Variants in CSMD1 observed in about 807,000 individuals in gnomAD.
The protein encoded by CSMD1 is CUB and sushi domain-containing protein 1.
Under a neutral mutation model 417.5 loss-of-function variants are expected in CSMD1, and 213 were observed. The ratio of observed to expected loss-of-function variants is 0.51; its 90% CI spans 0.46 to 0.57. The LOEUF (loss-of-function observed/expected upper bound fraction) is 0.57. Among genes scored for constraint, CSMD1 ranks in the 20% least tolerant of loss-of-function variants. CSMD1 has a pLI of 0.00. For missense variants in CSMD1, 6,923 were observed against 4,529.7 expected (o/e 1.53, Z -15.17); for synonymous variants, 2,862 against 1,736.8 (o/e 1.65, Z -16.11).
chr8:3,793,166 G>A (rs560290494), intron 5 of CSMD1, among the ~76,000 whole-genome samples: 2 of 152,246 alleles, frequency 1.3e-5, no homozygotes, highest in South Asian at 4.1e-4. Context: ...TTGCAGAGGG[G>A]CTGATGGATT....
chr8:4,001,152 G>T (rs898823051), intron 4 of CSMD1, among the ~76,000 whole-genome samples: 1 of 152,110 alleles, frequency 6.6e-6, no homozygotes, highest in African/African-American at 2.4e-5. Context: ...TGAAATAGTC[G>T]TATTTATGTG....
intron 5 of CSMD1, among the ~76,000 whole-genome samples, chr8:3,765,789 G>A (rs1425070189): frequency 2.6e-5 from 4 of 152,172 alleles, no homozygotes; most frequent in Non-Finnish European, 5.9e-5. Flanking sequence ...TAGCTCCAGA[G>A]TCCTACGGGT....
At chr8:4,014,659 G>C (rs993521055) in intron 4 of CSMD1, among the ~76,000 whole-genome samples, 1 of 152,164 alleles carries the variant, frequency 6.6e-6, no homozygotes, top group Non-Finnish European at 1.5e-5. Context: ...AGCAAGAAAA[G>C]AGCTCGTCTG....
intron 2 of CSMD1, among the ~76,000 whole-genome samples, chr8:4,571,282 A>C (rs1798880947): frequency 1.3e-5 from 2 of 152,108 alleles, no homozygotes; most frequent in Non-Finnish European, 1.5e-5. Context: ...AGAATTTAGC[A>C]CTATGATTTT....
Position 4,420,022 on chromosome 8 carries a change from A to C in CSMD1, c.346T>G (p.Ser116Ala), listed in dbSNP as rs2128939719. 1 of 1,584,328 alleles carries C rather than the reference A, an allele frequency of 6.3e-7. No homozygotes were observed. The highest frequency in any genetic ancestry group is 8.6e-7 in the Non-Finnish European group (1 of 1,164,016). ...GTCGTGAACCACAGAGTGAGGATAG[A>C]TCCTGTACTCACTATAGAGGAGGGC... ...QLPSSIVSTG[S>A]ILTLWFTTDF... The change falls in exon 3 of 70, where the codon TCT (serine) becomes GCT (alanine). Residue 116 changes from serine to alanine, a missense_variant. Transcript: ENST00000635120.
chr8:4,582,155 C>G (rs188327330), intron 2 of CSMD1, among the ~76,000 whole-genome samples: 1 of 151,868 alleles, frequency 6.6e-6, no homozygotes, highest in Non-Finnish European at 1.5e-5. Context: ...CCTTCCCTGG[C>G]ATGTCTGTAG....
intron 10 of CSMD1, among the ~76,000 whole-genome samples, chr8:3,546,311 G>A (rs566378852): frequency 6.6e-6 from 1 of 152,102 alleles, no homozygotes; most frequent in African/African-American, 2.4e-5. Context: ...CAAGGTGGGG[G>A]GATCATGAGG....
chr8:3,291,914 A>C (rs1309888331), intron 25 of CSMD1, among the ~76,000 whole-genome samples: 1 of 151,298 alleles, frequency 6.6e-6, no homozygotes, highest in African/African-American at 2.4e-5. Flanking sequence ...TTTAATTGTG[A>C]TGTTAGGGTG....
intron 10 of CSMD1, among the ~76,000 whole-genome samples, chr8:3,534,517 A>C (rs981046247): frequency 7.3e-6 from 1 of 136,894 alleles, no homozygotes; most frequent in African/African-American, 3.0e-5. Flanking sequence ...TTTCTCAATT[A>C]CAAAAAAAAA....
intron 5 of CSMD1, among the ~76,000 whole-genome samples, chr8:3,970,817 A>G (rs1490446617): frequency 1.3e-5 from 2 of 152,044 alleles, no homozygotes; most frequent in Non-Finnish European, 2.9e-5. Context: ...CAGGGGCACC[A>G]TCTGTCTCAC....
chr8:4,411,952 C>T (rs755687009), intron 3 of CSMD1, among the ~76,000 whole-genome samples: 17 of 151,258 alleles, frequency 1.1e-4, no homozygotes, highest in Non-Finnish European at 1.9e-4. Flanking sequence ...CTAGAACTTA[C>T]GATTTTTGAT....
intron 5 of CSMD1, among the ~76,000 whole-genome samples, chr8:3,912,248 G>A (rs1344457047): frequency 1.3e-5 from 2 of 151,968 alleles, no homozygotes; most frequent in Non-Finnish European, 2.9e-5. Flanking sequence ...GAACTTACTG[G>A]GAAATATCAC....
chr8:3,687,102 G>A (rs763664886), intron 7 of CSMD1, among the ~76,000 whole-genome samples: 1 of 152,198 alleles, frequency 6.6e-6, no homozygotes, highest in Non-Finnish European at 1.5e-5. Flanking sequence ...CCAATAAAAT[G>A]CAGGATCCTA....
chr8:3,542,448 A>G (rs76893404), intron 10 of CSMD1, among the ~76,000 whole-genome samples: 8,785 of 152,264 alleles, frequency 0.058, 291 homozygotes, highest in East Asian at 0.14. Context: ...TAGGGAATGA[A>G]ACTGACAGTC....
At chr8:4,066,388 T>C (rs559832736) in intron 3 of CSMD1, among the ~76,000 whole-genome samples, 2 of 152,124 alleles carry the variant, frequency 1.3e-5, no homozygotes, top group African/African-American at 4.8e-5. Flanking sequence ...GCAGGGATGT[T>C]TGGCATGTCC....
chr8:4,133,141 T>C (rs1227705173), intron 3 of CSMD1, among the ~76,000 whole-genome samples: 2 of 152,168 alleles, frequency 1.3e-5, no homozygotes, highest in Non-Finnish European at 2.9e-5. Context: ...TTTCACCATA[T>C]TGGCCAGGCT....
chr8:4,841,925 A>AAACAAAAAAC lies in CSMD1; in HGVS notation c.85+152406_85+152407insGTTTTTTGTT, dbSNP rs1563561126. On this transcript the variant is annotated intron_variant, in intron 1 of 69. Transcript: ENST00000635120. ...AAACTCCGTCTCAAAAAAAAAAAAA[A>AAACAAAAAAC]AAAAAAAAAAAAAGTTCAGAACAAT... Among the ~76,000 whole-genome samples, 808 of 98,812 alleles carry AAACAAAAAAC rather than the reference A, an allele frequency of 8.2e-3. 37 individuals carry two copies. The highest frequency in any genetic ancestry group is 0.037 in the African/African-American group (779 of 21,166). 64.8% of individuals were successfully genotyped at this position (98,812 alleles called of 152,430 possible). A position where few individuals can be genotyped will look rare whatever the true frequency, so the allele number is the denominator to read the frequency against.
intron 3 of CSMD1, among the ~76,000 whole-genome samples, chr8:4,196,008 G>C (rs142372993): frequency 2.6e-4 from 39 of 152,112 alleles, no homozygotes; most frequent in Admixed American, 2.0e-3. Context: ...TCATGCGATC[G>C]AGACCATCCT....
chr8:4,158,779 T>G (rs1796982433), intron 3 of CSMD1, among the ~76,000 whole-genome samples: 1 of 152,198 alleles, frequency 6.6e-6, no homozygotes, highest in African/African-American at 2.4e-5. Flanking sequence ...ACTGAAGTGT[T>G]GGGATTTTAG....
Sources: gnomAD v4.1 joint callset for allele counts (sites outside exome capture counted in the v4.1 genomes callset) on GRCh38, gnomAD v4.1.1 for gene constraint, MANE v1.5 for transcripts, NCBI Gene and HGNC (gene_info 2026-07-23, HGNC 2026-07-21) for gene names.